EYS: variants seen among roughly 807,000 people sequenced by gnomAD.
EYS encodes the protein protein eyes shut homolog.
A neutral mutation model predicts 282.1 loss-of-function variants in EYS; 250 were observed. The ratio of observed to expected loss-of-function variants is 0.89; its 90% CI spans 0.80 to 0.98. The LOEUF is 0.98. EYS is among the 50% of genes least tolerant of loss of function. The pLI, the probability that EYS is intolerant of heterozygous loss-of-function variation, is 0.00. For synonymous variants in EYS, 1,355 were observed against 1,282.9 expected, an observed-to-expected ratio of 1.06 and a Z score of -1.20; for missense variants, 4,016 against 3,709.0, an observed-to-expected ratio of 1.08 and a Z score of -2.15.
chr6:63,919,506 C>T (rs1051020541), intron 35 of EYS, among the ~76,000 whole-genome samples: 1 of 152,002 alleles, frequency 6.6e-6, no homozygotes, highest in Non-Finnish European at 1.5e-5. Flanking sequence ...TTTCCTATCT[C>T]CCTTGATGGC....
In EYS at chr6:65,622,082, T is replaced by C. The variant is rs1258244297; in HGVS notation, c.-333+17696A>G. Reference sequence around the variant, plus strand: ...ATTTAACTGAACAACTTTTCCAGTTTATGTCAGCAATAAAGGGATATCTAA... The same window carrying C: ...ATTTAACTGAACAACTTTTCCAGTTCATGTCAGCAATAAAGGGATATCTAA... On this transcript the variant is annotated intron_variant, in intron 2 of 42. Transcript: ENST00000503581. 5.3e-5 allele frequency among the ~76,000 whole-genome samples: 8 copies of C among 152,254 alleles called. No individual in the cohort carries two copies. In the East Asian group the frequency reaches 1.4e-3, roughly 26 times the overall value.
intron 19 of EYS, among the ~76,000 whole-genome samples, chr6:64,851,858 T>C (rs1284512599): frequency 2.0e-5 from 3 of 152,062 alleles, no homozygotes; most frequent in Non-Finnish European, 4.4e-5. Context: ...CTAGGCTTAA[T>C]ACCTGGGTGG....
At chr6:65,018,120 A>C (rs1334487671) in intron 13 of EYS, among the ~76,000 whole-genome samples, 3 of 152,218 alleles carry the variant, frequency 2.0e-5, no homozygotes, top group Non-Finnish European at 4.4e-5. Context: ...ATCGATAAAA[A>C]AACACACTGC....
Position 65,057,632 on chromosome 6 carries a change from A to G in EYS, c.2119T>C (p.Cys707Arg). ...IDQPGNYFCQ[C>R]VPPFKVVDGF... ...TCATTACCTTTAAATGGAGGCACAC[A>G]CTGGCAGAAGTAATTACCAGGTTGG... is the stretch of plus-strand genomic sequence containing the variant. The change falls in exon 13 of 43, where the codon TGT (cysteine) becomes CGT (arginine). Residue 707 changes from cysteine to arginine, a missense_variant. Cys to Arg is a radical substitution (Grantham distance 180, BLOSUM62 -3). Coordinates refer to ENST00000503581, the MANE Select transcript of EYS (RefSeq NM_001142800.2). The G allele has an allele frequency of 6.5e-7, 1 of 1,549,322 alleles. No homozygotes were observed. The highest frequency in any genetic ancestry group is 8.7e-7 in the Non-Finnish European group (1 of 1,144,996).
At chr6:65,188,978 T>C (rs2150238231) in intron 12 of EYS, among the ~76,000 whole-genome samples, 1 of 151,720 alleles carries the variant, frequency 6.6e-6, no homozygotes, top group South Asian at 2.1e-4. Flanking sequence ...TTTTAAGCCA[T>C]AAAATTGTGT....
chr6:65,378,603 T>A (rs879249356), intron 8 of EYS, among the ~76,000 whole-genome samples: 1 of 152,192 alleles, frequency 6.6e-6, no homozygotes, highest in South Asian at 2.1e-4. Context: ...ATTGTGGCAC[T>A]GTTCACAATA....
intron 7 of EYS, among the ~76,000 whole-genome samples, chr6:65,385,335 A>G (rs569571866): frequency 6.6e-6 from 1 of 152,056 alleles, no homozygotes; most frequent in South Asian, 2.1e-4. Context: ...AAATAATTTC[A>G]TAAAAGGGAT....
intron 2 of EYS, among the ~76,000 whole-genome samples, chr6:65,615,411 T>C (rs1173305198): frequency 6.7e-6 from 1 of 149,374 alleles, no homozygotes. Flanking sequence ...TGTGTGTGTA[T>C]ATATAAATAT....
chr6:64,001,926 T>C (rs1013251917), intron 33 of EYS, among the ~76,000 whole-genome samples: 14 of 152,218 alleles, frequency 9.2e-5, no homozygotes, highest in Non-Finnish European at 1.9e-4. Context: ...GGCTCCACCC[T>C]TTGGCCTGTG....
intron 22 of EYS, among the ~76,000 whole-genome samples, chr6:64,735,416 C>T (rs997092906): frequency 6.6e-6 from 1 of 152,122 alleles, no homozygotes; most frequent in Non-Finnish European, 1.5e-5. Context: ...CTCCTGTGCA[C>T]TATCTTATTT....
At chr6:65,394,913 T>C (rs1271883092) in intron 7 of EYS, among the ~76,000 whole-genome samples, 1 of 152,204 alleles carries the variant, frequency 6.6e-6, no homozygotes, top group East Asian at 1.9e-4. Flanking sequence ...AAGCTTTACT[T>C]ATTTCAAGAT....
chr6:64,298,073 G>T (rs1222475500), intron 30 of EYS, among the ~76,000 whole-genome samples: 2 of 151,640 alleles, frequency 1.3e-5, no homozygotes, highest in East Asian at 3.9e-4. Context: ...TTCCTTGCTA[G>T]AAATGCTCAA....
At chr6:65,033,803 G>A (rs1309890975) in intron 13 of EYS, among the ~76,000 whole-genome samples, 1 of 152,130 alleles carries the variant, frequency 6.6e-6, no homozygotes, top group Non-Finnish European at 1.5e-5. Context: ...GTCCCAAATT[G>A]GGCATTGCCT....
chr6:64,595,555 A>T (rs1766559362), intron 24 of EYS, among the ~76,000 whole-genome samples: 1 of 152,202 alleles, frequency 6.6e-6, no homozygotes, highest in African/African-American at 2.4e-5. Flanking sequence ...CTCCACCACA[A>T]AATCTCTTAG....
intron 12 of EYS, among the ~76,000 whole-genome samples, chr6:65,080,086 C>G (rs552562556): frequency 6.6e-6 from 1 of 152,088 alleles, no homozygotes; most frequent in South Asian, 2.1e-4. Flanking sequence ...GTGGAGAACT[C>G]TCTGTCTGTA....
intron 26 of EYS, among the ~76,000 whole-genome samples, chr6:64,453,948 A>G (rs934503812): frequency 2.4e-4 from 37 of 152,118 alleles, no homozygotes; most frequent in East Asian, 1.4e-3. Flanking sequence ...CTTGGCACAT[A>G]TATACATATG....
chr6:64,807,115 G>A (rs1764454165), intron 22 of EYS, among the ~76,000 whole-genome samples: 1 of 151,974 alleles, frequency 6.6e-6, no homozygotes, highest in African/African-American at 2.4e-5. Context: ...TTATTACACT[G>A]AACAAAGTCA....
chr6:65,598,907 C>T (rs1023057869), intron 2 of EYS, among the ~76,000 whole-genome samples: 1 of 152,074 alleles, frequency 6.6e-6, no homozygotes, highest in Non-Finnish European at 1.5e-5. Flanking sequence ...GAGTTAGGGT[C>T]ATCACTTAAA....
At position 65,219,039 on chromosome 6, in the gene EYS, GA is replaced by G. The variant is rs369652991; in HGVS notation, c.2023+76823del. ...GACAGAGAAGTTATTTCTTTATTAT[GA>G]TCTCAGCAAGCCTTAATTTACATAG... On this transcript the variant is annotated intron_variant, in intron 12 of 42. Transcript: ENST00000503581. Among the ~76,000 whole-genome samples the G allele has an allele frequency of 2.9e-3, 446 of 152,116 alleles. 3 individuals carry two copies. The highest frequency in any genetic ancestry group is 0.01 in the African/African-American group (422 of 41,544).
Sources: allele counts gnomAD v4.1 joint callset (sites outside exome capture counted in the v4.1 genomes callset), GRCh38; gene constraint gnomAD v4.1.1; transcripts MANE v1.5; gene names NCBI Gene and HGNC (gene_info 2026-07-23, HGNC 2026-07-21).